The following SYT14 variants were observed in gnomAD, a reference collection of about 807,000 sequenced individuals.
SYT14 encodes the protein synaptotagmin 14, also known as synaptotagmin-14.
A neutral mutation model predicts 74.2 loss-of-function variants in SYT14; 32 were observed. The observed-to-expected ratio is 0.43, with a 90% CI of 0.33 to 0.58. SYT14 has a LOEUF of 0.58. Among genes scored for constraint, SYT14 ranks in the 20% least tolerant of loss-of-function variants. SYT14 has a pLI of 0.05. For missense variants in SYT14, 791 were observed against 981.8 expected (o/e 0.81, Z 2.60); for synonymous variants, 298 against 337.7 (o/e 0.88, Z 1.29).
At chr1:210,105,871 C>T (rs765219495) in intron 7 of SYT14, among the ~76,000 whole-genome samples, 1 of 152,166 alleles carries the variant, frequency 6.6e-6, no homozygotes, top group African/African-American at 2.4e-5. Flanking sequence ...CACTCTTGCT[C>T]TCTTCATGTG....
chr1:209,977,452 C>T (rs1313969653), intron 2 of SYT14, among the ~76,000 whole-genome samples: 1 of 152,106 alleles, frequency 6.6e-6, no homozygotes. Flanking sequence ...TTTTATTTCT[C>T]CTTCACTTAT....
At chr1:210,059,233 A>G (rs1029499256) in intron 5 of SYT14, among the ~76,000 whole-genome samples, 1 of 151,834 alleles carries the variant, frequency 6.6e-6, no homozygotes, top group East Asian at 1.9e-4. Flanking sequence ...GATGAGAGAA[A>G]TTCACTATCA....
intron 5 of SYT14, among the ~76,000 whole-genome samples, chr1:210,087,393 G>A (rs959088702): frequency 2.6e-5 from 4 of 152,114 alleles, no homozygotes; most frequent in South Asian, 2.1e-4. Context: ...CACCCCAGTC[G>A]CCTGGCTCTA....
intron 7 of SYT14, among the ~76,000 whole-genome samples, chr1:210,113,115 T>C (rs539658851): frequency 6.6e-6 from 1 of 151,358 alleles, no homozygotes; most frequent in Admixed American, 6.6e-5. Context: ...ACAAAAAGGC[T>C]ACAGGGCGTG....
intron 7 of SYT14, among the ~76,000 whole-genome samples, chr1:210,123,164 A>G (rs1001386540): frequency 7.2e-5 from 11 of 152,216 alleles, no homozygotes; most frequent in African/African-American, 2.2e-4. Context: ...AGGCACATAT[A>G]ATTATTTATT....
At chr1:210,069,261 G>A (rs227205) in intron 5 of SYT14, among the ~76,000 whole-genome samples, 52,034 of 151,644 alleles carry the variant, frequency 0.34, 9,876 homozygotes, top group Non-Finnish European at 0.42. Context: ...CTAATTCTTC[G>A]TTATAAGTTT....
chr1:210,026,383 AGAT>A (rs1206962633), intron 5 of SYT14, among the ~76,000 whole-genome samples: 1 of 152,118 alleles, frequency 6.6e-6, no homozygotes, highest in Non-Finnish European at 1.5e-5. Context: ...AGCTTATTAA[AGAT>A]GATTCTATAT....
At chr1:210,144,302 T>C (rs1207575681) in intron 7 of SYT14, among the ~76,000 whole-genome samples, 1 of 152,162 alleles carries the variant, frequency 6.6e-6, no homozygotes, top group African/African-American at 2.4e-5. Flanking sequence ...ATACAAATAA[T>C]AATACATTAA....
Position 210,147,673 on chromosome 1 carries a change from A to C in SYT14, c.2035-8048A>C, listed in dbSNP as rs558890530. Among the ~76,000 whole-genome samples the C allele has an allele frequency of 7.2e-5, 11 of 152,348 alleles. No homozygotes were observed. The South Asian group carries it at 2.3e-3, about 32-fold the overall frequency. Reference sequence around the variant, plus strand: ...TTGCATGAAACTTAATTCTAGGTAAAGAAGAGAGAGATAAACATAATACAA... The same window carrying C: ...TTGCATGAAACTTAATTCTAGGTAACGAAGAGAGAGATAAACATAATACAA... On this transcript the variant is annotated intron_variant, in intron 7 of 9. Transcript: ENST00000637265.
intron 2 of SYT14, among the ~76,000 whole-genome samples, chr1:209,977,841 A>G (rs1179704163): frequency 6.6e-6 from 1 of 152,150 alleles, no homozygotes; most frequent in Non-Finnish European, 1.5e-5. Flanking sequence ...TTTCAGGTAC[A>G]CCAATCAGAC....
intron 4 of SYT14, 67 bp from the exon 4 acceptor site, chr1:210,020,972 T>G: frequency 9.7e-6 from 13 of 1,341,112 alleles, no homozygotes; most frequent in Non-Finnish European, 1.4e-5. Context: ...ACGGGCCCAG[T>G]AGGGCCAGGT....
intron 2 of SYT14, among the ~76,000 whole-genome samples, chr1:209,988,498 A>G (rs2079609726): frequency 6.6e-6 from 1 of 152,106 alleles, no homozygotes; most frequent in Admixed American, 6.5e-5. Flanking sequence ...TTGGATGCCA[A>G]ACATTGTGAA....
At chr1:209,954,113 CTTAGTTGGAGTCAAAAGCTAT>C (rs1166639398) in intron 2 of SYT14, among the ~76,000 whole-genome samples, 1 of 152,072 alleles carries the variant, frequency 6.6e-6, no homozygotes, top group African/African-American at 2.4e-5. Context: ...CACAGTAAAG[CTTAGTTGGAGTCAAAAGCTAT>C]TAAAGGTGTG....
In SYT14 at chr1:210,013,804, A is replaced by G. The variant is rs772164282; in HGVS notation, c.-321+7A>G. 28 of 1,610,242 alleles carry G rather than the reference A, an allele frequency of 1.7e-5. No homozygotes were observed. In the South Asian group the frequency reaches 3.1e-4, roughly 18 times the overall value. On this transcript the variant is annotated splice_region_variant and intron_variant, in intron 3 of 9. Transcript: ENST00000637265. ...AATTCACAAGATAAAATTTGTAAGT[A>G]TCGTATTGCTGCTTCTCTTGTTTGT...
intron 1 of SYT14, among the ~76,000 whole-genome samples, chr1:209,949,566 C>T (rs767434356): frequency 2.5e-4 from 34 of 134,392 alleles, no homozygotes; most frequent in Non-Finnish European, 3.7e-4. Flanking sequence ...AGTGAGACTC[C>T]GTCTCAAAAA....
rs145068365 is a variant in SYT14, at chr1:210,055,883, C to T, written c.1312+34629C>T. 3.2e-3 allele frequency among the ~76,000 whole-genome samples: 481 copies of T among 152,178 alleles called. 6 individuals are homozygous for T. The highest frequency in any genetic ancestry group is 0.011 in the African/African-American group (465 of 41,508). ...GTCAAAGTGAGTTCTCAGTTACCAT[C>T]TCCAGTTCACCTTTAACCATTTAGA... is the stretch of plus-strand genomic sequence containing the variant. On this transcript the variant is annotated intron_variant, in intron 5 of 9. Coordinates refer to ENST00000637265, the Ensembl canonical transcript of SYT14.
chr1:209,944,424 A>G (rs539703182), intron 1 of SYT14, among the ~76,000 whole-genome samples: 5 of 152,322 alleles, frequency 3.3e-5, no homozygotes, highest in Admixed American at 1.3e-4. Context: ...AGAAAAGACT[A>G]TTGAATAAAT....
chr1:210,027,557 C>T lies in SYT14; in HGVS notation c.1312+6303C>T, dbSNP rs182693869. Among the ~76,000 whole-genome samples the T allele has an allele frequency of 4.6e-5, 7 of 152,154 alleles. No individual in the cohort carries two copies. In the East Asian group the frequency reaches 1.4e-3, roughly 29 times the overall value. ...GAGGGGTTGGTCTTGCTGTCTCATCCATCCCAGAGATGGATGAAAATCTAT... is the reference window on the plus strand; with the variant it reads ...GAGGGGTTGGTCTTGCTGTCTCATCTATCCCAGAGATGGATGAAAATCTAT... On this transcript the variant is annotated intron_variant, in intron 5 of 9. Coordinates refer to ENST00000637265, the Ensembl canonical transcript of SYT14.
exon 7 of SYT14, chr1:210,100,141 A>G: frequency 6.2e-7 from 1 of 1,614,118 alleles, no homozygotes; most frequent in Non-Finnish European, 8.5e-7. Context: ...GGTAACAGTG[A>G]CAGCTGTCAC....
Sources: gnomAD v4.1 joint callset for allele counts (sites outside exome capture counted in the v4.1 genomes callset) on GRCh38, gnomAD v4.1.1 for gene constraint, MANE v1.5 for transcripts, NCBI Gene and HGNC (gene_info 2026-07-23, HGNC 2026-07-21) for gene names.